Variants in BID observed in about 807,000 individuals in gnomAD.
The protein encoded by BID is BH3 interacting domain death agonist, also known as BH3-interacting domain death agonist.
In BID, 19 loss-of-function variants were observed where a neutral mutation model predicts 17.4. The observed-to-expected ratio is 1.09, with a 90% CI of 0.76 to 1.60. The LOEUF (loss-of-function observed/expected upper bound fraction) is 1.60, where lower values mean the gene tolerates loss of function less well. BID is among the 40% of genes most tolerant of loss of function. The probability of loss-of-function intolerance (pLI) is 0.00; values close to 1 mark genes in which losing one functional copy is unlikely to be tolerated. For missense variants in BID, 226 were observed against 256.0 expected (o/e 0.88, Z 0.80); for synonymous variants, 108 against 102.8 (o/e 1.05, Z -0.31).
chr22:17,751,852 C>T (rs2061542460), intron 1 of BID, among the ~76,000 whole-genome samples: 1 of 152,214 alleles, frequency 6.6e-6, no homozygotes, highest in African/African-American at 2.4e-5. Context: ...CCGGGGCCAT[C>T]TGCCGGCTCC....
At chr22:17,752,900 C>A (rs147162385) in intron 1 of BID, among the ~76,000 whole-genome samples, 1 of 149,864 alleles carries the variant, frequency 6.7e-6, no homozygotes, top group East Asian at 2.0e-4. Flanking sequence ...CTCCTGACCT[C>A]GTGATCCGCC....
At chr22:17,753,212 C>T (rs1056182207) in intron 1 of BID, among the ~76,000 whole-genome samples, 17 of 152,182 alleles carry the variant, frequency 1.1e-4, no homozygotes, top group East Asian at 5.8e-4. Flanking sequence ...ATGATCCGCC[C>T]GCCTCAGCCT....
chr22:17,735,071 T>C lies in BID; in HGVS notation c.*509A>G, dbSNP rs1429961502. The C allele has an allele frequency of 1.9e-5, 3 of 155,612 alleles. No individual in the cohort carries two copies. Among genetic ancestry groups the C allele is most frequent in the African/African-American group, 7.2e-5 (3 of 41,468 alleles). 9.6% of individuals were successfully genotyped at this position (155,612 alleles called of 1,614,324 possible). ...GATTGTTGGTTCCTTAGTATTAAGA[T>C]AGATAGTCCCTATTTTGAGTGGAAT... On this transcript the variant is annotated 3_prime_UTR_variant, in exon 6 of 6. Transcript: ENST00000622694.
At chr22:17,751,659 C>T (rs1469169537) in intron 1 of BID, among the ~76,000 whole-genome samples, 1 of 152,210 alleles carries the variant, frequency 6.6e-6, no homozygotes, top group South Asian at 2.1e-4. Flanking sequence ...ATGCGCATCA[C>T]CCACCTCCCC....
intron 1 of BID, among the ~76,000 whole-genome samples, chr22:17,756,477 TTTC>T (rs1366554231): frequency 2.0e-5 from 2 of 97,632 alleles, no homozygotes; most frequent in South Asian, 5.2e-4. Flanking sequence ...CTTTCTTTCT[TTTC>T]TTTCTTTCTT....
chr22:17,735,441 A>AAAT lies in BID; in HGVS notation c.*136_*138dup, dbSNP rs566764146. On this transcript the variant is annotated 3_prime_UTR_variant, in exon 6 of 6. Transcript: ENST00000622694. ...GGTTATAAGTTTAACATTGTCTTTA[A>AAAT]AATAGAAGTCACAGCTATCTTCCAG... The AAAT allele has an allele frequency of 1.2e-4, 105 of 910,936 alleles. No individual in the cohort carries two copies. The African/African-American group carries it at 1.5e-3, about 13-fold the overall frequency. 56.4% of individuals were successfully genotyped at this position (910,936 alleles called of 1,614,324 possible).
chr22:17,765,499 G>A (rs1214497223), intron 1 of BID, among the ~76,000 whole-genome samples: 1 of 152,180 alleles, frequency 6.6e-6, no homozygotes, highest in East Asian at 1.9e-4. Flanking sequence ...AGTTACCTAA[G>A]CTTTATTTTG....
At chr22:17,748,675 C>T (rs781197497) in intron 2 of BID, among the ~76,000 whole-genome samples, 1 of 152,184 alleles carries the variant, frequency 6.6e-6, no homozygotes, top group African/African-American at 2.4e-5. Flanking sequence ...TTCCTCACTC[C>T]GAAGGCAAGA....
chr22:17,760,731 A>G (rs1161339240), intron 1 of BID, among the ~76,000 whole-genome samples: 2 of 152,156 alleles, frequency 1.3e-5, no homozygotes, highest in Non-Finnish European at 2.9e-5. Context: ...ATGTCCATGC[A>G]GAAGCCTGGG....
At chr22:17,759,422 T>G (rs2061620212) in intron 1 of BID, among the ~76,000 whole-genome samples, 1 of 149,338 alleles carries the variant, frequency 6.7e-6, no homozygotes, top group Non-Finnish European at 1.5e-5. Context: ...TAGCCGGGCG[T>G]GCACCTGTAA....
At chr22:17,745,242 G>A (rs1234626219) in intron 2 of BID, among the ~76,000 whole-genome samples, 1 of 151,988 alleles carries the variant, frequency 6.6e-6, no homozygotes, top group African/African-American at 2.4e-5. Flanking sequence ...GTAGAGACGA[G>A]GTTTCACCAT....
At chr22:17,763,875 G>A (rs1339875475) in intron 1 of BID, among the ~76,000 whole-genome samples, 1 of 150,184 alleles carries the variant, frequency 6.7e-6, no homozygotes, top group Non-Finnish European at 1.5e-5. Context: ...CATTTACAAG[G>A]TGAACATATA....
At chr22:17,760,344 C>T (rs774161119) in intron 1 of BID, among the ~76,000 whole-genome samples, 1 of 145,920 alleles carries the variant, frequency 6.9e-6, no homozygotes, top group East Asian at 2.0e-4. Flanking sequence ...CCCAGCTACT[C>T]GAGAGGCTGA....
At position 17,760,298 on chromosome 22, in the gene BID, A is replaced by G. The variant is rs373319051; in HGVS notation, c.-58-10124T>C. ...ACATCCCAGCTCTACTAAAAATACAAAAACTTAGCCAGGTGAGGTGATGGG... is the reference window on the plus strand; with the variant it reads ...ACATCCCAGCTCTACTAAAAATACAGAAACTTAGCCAGGTGAGGTGATGGG... On this transcript the variant is annotated intron_variant, in intron 1 of 5. Transcript: ENST00000622694. Among the ~76,000 whole-genome samples, 105 of 151,062 alleles carry G rather than the reference A, an allele frequency of 7.0e-4. 1 individual carries two copies. Among genetic ancestry groups the G allele is most frequent in the African/African-American group, 2.4e-3 (97 of 41,108 alleles).
At chr22:17,757,180 C>CA (rs2145904752) in intron 1 of BID, among the ~76,000 whole-genome samples, 1 of 152,000 alleles carries the variant, frequency 6.6e-6, no homozygotes, top group Admixed American at 6.6e-5. Flanking sequence ...TTTGGGAGGC[C>CA]AGGGCAGGCT....
intron 1 of BID, among the ~76,000 whole-genome samples, chr22:17,757,977 AGCCCTGGCCATGTGGG>A (rs1470432390): frequency 6.6e-6 from 1 of 152,230 alleles, no homozygotes; most frequent in African/African-American, 2.4e-5. Flanking sequence ...CAGTCAATCA[AGCCCTGGCCATGTGGG>A]GCTGACAGCA....
At chr22:17,757,360 G>A (rs1010441645) in intron 1 of BID, among the ~76,000 whole-genome samples, 4 of 123,504 alleles carry the variant, frequency 3.2e-5, no homozygotes, top group Non-Finnish European at 4.7e-5. Context: ...CTGAGATCAC[G>A]CCACTGCACT....
Position 17,734,658 on chromosome 22 carries a change from G to A in BID, c.*922C>T, listed in dbSNP as rs769682071. On this transcript the variant is annotated 3_prime_UTR_variant, in exon 6 of 6. Coordinates refer to ENST00000622694, the MANE Select transcript of BID (RefSeq NM_001196.4). ...TTTCATCTTTTATGCTTAGAAACCT[G>A]TTCTCTCCAGATGCACTTCTGAGGC... 6.6e-6 allele frequency: 1 copy of A among 152,204 alleles called. No individual in the cohort carries two copies. The allele number at this position is 152,204 out of a possible 1,614,324, so 9.4% of individuals were successfully genotyped here.
Position 17,743,936 on chromosome 22 carries a change from G to A in BID, c.90C>T (p.Asp30=), listed in dbSNP as rs754705127. Residue 30 remains aspartate, a synonymous_variant, in exon 3 of 6, where the codon GAC becomes GAT. Transcript: ENST00000622694. The part of the protein sequence containing the change: ...LVFGFLQSCS[D]NSFRRELDAL... ...CGTCCAGCTCTCTGCGGAAGCTGTT[G>A]TCAGAACAGCTTTGGAGGAAGCCAA... 1 of 1,613,988 alleles carries A rather than the reference G, an allele frequency of 6.2e-7. No homozygotes were observed.
Sources: allele counts gnomAD v4.1 joint callset (sites outside exome capture counted in the v4.1 genomes callset), GRCh38; gene constraint gnomAD v4.1.1; transcripts MANE v1.5; gene names NCBI Gene and HGNC (gene_info 2026-07-23, HGNC 2026-07-21).